Variants in FMO3 observed in about 807,000 individuals in gnomAD.
FMO3 encodes flavin containing dimethylaniline monoxygenase 3.
Under a neutral mutation model 39.4 loss-of-function variants are expected in FMO3, and 40 were observed. The ratio of observed to expected loss-of-function variants is 1.02; its 90% CI spans 0.79 to 1.32. The LOEUF (loss-of-function observed/expected upper bound fraction) is 1.32. Among genes scored for constraint, FMO3 ranks in the 40% most tolerant of loss-of-function variants. The pLI is 0.00. For synonymous variants in FMO3, 219 were observed against 228.8 expected, an observed-to-expected ratio of 0.96 and a Z score of 0.39; for missense variants, 680 against 651.8, an observed-to-expected ratio of 1.04 and a Z score of -0.47.
At chr1:171,095,633 G>C (rs923218483) in intron 2 of FMO3, among the ~76,000 whole-genome samples, 1 of 149,540 alleles carries the variant, frequency 6.7e-6, no homozygotes, top group South Asian at 2.1e-4. Flanking sequence ...ATATTATAAA[G>C]ACATGAGATA....
Position 171,107,753 on chromosome 1 carries a change from A to T in FMO3, c.400A>T (p.Lys134Ter). The stretch of plus-strand genomic sequence containing the variant: ...GGATGTTACCACTGAAAGGGATGGT[A>T]AAAAAGAATCGGCTGTCTTTGATGC... ...QWDVTTERDGKKESAVFDAVM... is the reference protein window; with the variant it reads ...QWDVTTERDG The change falls in exon 4 of 9, where the codon AAA (lysine) becomes TAA (stop). Residue 134 changes from lysine to a stop codon, truncating the protein, a stop_gained. Transcript: ENST00000367755. LOFTEE classifies it high-confidence loss of function. The T allele has an allele frequency of 6.2e-7, 1 of 1,613,712 alleles. No individual in the cohort carries two copies. The highest frequency in any genetic ancestry group is 1.1e-5 in the South Asian group (1 of 91,070).
chr1:171,104,134 A>G (rs1655535742), intron 3 of FMO3, among the ~76,000 whole-genome samples, 161 bp downstream of exon 3: 1 of 152,190 alleles, frequency 6.6e-6, no homozygotes, highest in African/African-American at 2.4e-5. Flanking sequence ...CCTTCTTCTC[A>G]AGGATACATA....
At chr1:171,096,330 AAAATATAT>A (rs1655049153) in intron 2 of FMO3, among the ~76,000 whole-genome samples, 1 of 96,156 alleles carries the variant, frequency 1.0e-5, no homozygotes, top group Non-Finnish European at 1.8e-5. Context: ...TATAATATAT[AAAATATAT>A]AAATATATAT....
chr1:171,116,376 T>C, intron 8 of FMO3, 96 bp downstream of exon 8: 1 of 701,856 alleles, frequency 1.4e-6, no homozygotes, highest in Non-Finnish European at 2.5e-6. Context: ...TTATCCTGAA[T>C]GACATCATTG....
intron 8 of FMO3, among the ~76,000 whole-genome samples, chr1:171,116,583 T>A (rs1319545458): frequency 6.6e-6 from 1 of 152,166 alleles, no homozygotes; most frequent in African/African-American, 2.4e-5. Flanking sequence ...CCAGAAAGGA[T>A]TTGAAATCAG....
chr1:171,101,304 T>C (rs904832005), intron 2 of FMO3: 66 of 436,832 alleles, frequency 1.5e-4, no homozygotes, highest in South Asian at 2.2e-4. Context: ...CCATTAACTT[T>C]GTGGTAATTT....
In FMO3 at chr1:171,103,518, A is replaced by G. The variant is rs530220070; in HGVS notation, c.133-267A>G. Among the ~76,000 whole-genome samples the G allele has an allele frequency of 9.8e-5, 15 of 152,302 alleles. No homozygotes were observed. In the South Asian group the frequency reaches 2.9e-3, roughly 29 times the overall value. On this transcript the variant is annotated intron_variant, in intron 2 of 8. Coordinates refer to ENST00000367755, the MANE Select transcript of FMO3 (RefSeq NM_001002294.3). ...ATCAAAATCAAAATCAAAAAACAAT[A>G]CACTACAACTATTCATTAAGCATTT...
At chr1:171,112,642 CA>C (rs1191120888) in intron 6 of FMO3, among the ~76,000 whole-genome samples, 1 of 152,066 alleles carries the variant, frequency 6.6e-6, no homozygotes, top group Non-Finnish European at 1.5e-5. Context: ...CAGTTTTAGA[CA>C]TATTAAAGTT....
intron 5 of FMO3, among the ~76,000 whole-genome samples, chr1:171,108,501 A>G (rs1655753786): frequency 6.6e-6 from 1 of 152,164 alleles, no homozygotes; most frequent in Non-Finnish European, 1.5e-5. Context: ...AAACTAGCAC[A>G]GATTTAGGGT....
intron 1 of FMO3, among the ~76,000 whole-genome samples, chr1:171,091,927 G>GTATACA (rs1654730196): frequency 1.3e-5 from 2 of 151,898 alleles, no homozygotes; most frequent in Non-Finnish European, 2.9e-5. Context: ...CTGTGTGTGT[G>GTATACA]TATACATATA....
At chr1:171,100,317 T>G (rs1655319743) in intron 2 of FMO3, 1 of 152,180 alleles carries the variant, frequency 6.6e-6, no homozygotes, top group African/African-American at 2.4e-5. Flanking sequence ...AAAGAAAGGA[T>G]AGCCCAGAGG....
At chr1:171,101,054 T>C (rs1557937445) in intron 2 of FMO3, 1 of 454,718 alleles carries the variant, frequency 2.2e-6, no homozygotes, top group Non-Finnish European at 4.4e-6. Context: ...TTGAAGATGC[T>C]ATGCTCTATC....
chr1:171,114,396 A>G (rs1338622661), intron 7 of FMO3, 34 bp downstream of exon 7: 2 of 1,447,622 alleles, frequency 1.4e-6, no homozygotes, highest in East Asian at 2.3e-5. Context: ...GATTGCGAAG[A>G]TGAATGCCAG....
intron 3 of FMO3, among the ~76,000 whole-genome samples, chr1:171,104,350 A>G (rs2101909316): frequency 6.6e-6 from 1 of 152,266 alleles, no homozygotes; most frequent in South Asian, 2.1e-4. Context: ...CTATGTATCA[A>G]TACTTGTGGG....
rs758157819 is a variant in FMO3, at chr1:171,117,234, GC to G, written c.1394del (p.Pro465LeufsTer23). Reference sequence around the variant, plus strand: ...AAATTGGCCATGGAAGTTTATTTTGGCCCTTGTAGTCCCTACCAGTTTAGGC... The same window carrying G: ...AAATTGGCCATGGAAGTTTATTTTGGCCTTGTAGTCCCTACCAGTTTAGGC... ...DPKLAMEVYF[G>X]PCSPYQFRLV... is the part of the protein sequence containing the mutation. On this transcript the variant is annotated frameshift_variant, in exon 9 of 9. Coordinates refer to ENST00000367755, the MANE Select transcript of FMO3 (RefSeq NM_001002294.3). LOFTEE classifies it low-confidence loss of function (END_TRUNC). 2 of 1,614,150 alleles carry G rather than the reference GC, an allele frequency of 1.2e-6. No individual in the cohort carries two copies. The highest frequency in any genetic ancestry group is 2.2e-5 in the South Asian group (2 of 91,086).
In FMO3 at chr1:171,092,761, A is replaced by T; in HGVS notation, c.103A>T (p.Asn35Tyr). 1 of 1,614,070 alleles carries T rather than the reference A, an allele frequency of 6.2e-7. No homozygotes were observed. The highest frequency in any genetic ancestry group is 8.5e-7 in the Non-Finnish European group (1 of 1,180,008). Reference protein sequence around the residue: ...GLEPTCFEKSNDIGGLWKFSD... With the variant: ...GLEPTCFEKSYDIGGLWKFSD... ...GGAGCCCACCTGCTTTGAGAAGAGCAATGACATTGGGGGCCTGTGGAAATT... is the reference window on the plus strand; with the variant it reads ...GGAGCCCACCTGCTTTGAGAAGAGCTATGACATTGGGGGCCTGTGGAAATT... The change falls in exon 2 of 9, where the codon AAT becomes TAT. Residue 35 changes from asparagine (N) to tyrosine (Y), a missense_variant. Asn to Tyr is a moderately radical substitution (Grantham distance 143). Transcript: ENST00000367755.
intron 2 of FMO3, among the ~76,000 whole-genome samples, chr1:171,102,004 A>T (rs1268433382): frequency 6.6e-6 from 1 of 151,922 alleles, no homozygotes; most frequent in African/African-American, 2.4e-5. Flanking sequence ...AACTTACCCA[A>T]CTCACAGAAA....
At chr1:171,099,177 G>A (rs892891884) in intron 2 of FMO3, among the ~76,000 whole-genome samples, 2 of 152,088 alleles carry the variant, frequency 1.3e-5, no homozygotes, top group African/African-American at 4.8e-5. Flanking sequence ...TTCAGGAGAA[G>A]GTTGTTCAGT....
At chr1:171,095,887 TTA>T (rs1266265777) in intron 2 of FMO3, among the ~76,000 whole-genome samples, 2 of 862 alleles carry the variant, frequency 2.3e-3, no homozygotes, top group Admixed American at 0.025. Context: ...TATAATTATA[TTA>T]TATATAATTA....
Sources: gnomAD v4.1 joint callset for allele counts (sites outside exome capture counted in the v4.1 genomes callset) on GRCh38, gnomAD v4.1.1 for gene constraint, MANE v1.5 for transcripts, NCBI Gene and HGNC (gene_info 2026-07-23, HGNC 2026-07-21) for gene names.